CCDC60: variants seen among roughly 807,000 people sequenced by gnomAD.
CCDC60 encodes the protein coiled-coil domain containing 60.
In CCDC60, 54 loss-of-function variants were observed where a neutral mutation model predicts 63.5. The ratio of observed to expected loss-of-function variants is 0.85; its 90% CI spans 0.68 to 1.07. CCDC60 has a LOEUF of 1.07. CCDC60 is among the 50% of genes least tolerant of loss of function. The pLI is 0.00. For missense variants in CCDC60, 651 were observed against 684.3 expected (o/e 0.95, Z 0.54); for synonymous variants, 206 against 238.8 (o/e 0.86, Z 1.27).
intron 1 of CCDC60, among the ~76,000 whole-genome samples, chr12:119,337,495 TAA>T (rs1370393170): frequency 2.0e-5 from 3 of 152,222 alleles, no homozygotes; most frequent in African/African-American, 7.2e-5. Context: ...CTGTGAGCAT[TAA>T]ATGAGTTAAC....
At position 119,488,821 on chromosome 12, in the gene CCDC60, A is replaced by G. The variant is rs371806255; in HGVS notation, c.512A>G (p.His171Arg). 1.2e-6 allele frequency: 2 copies of G among 1,613,960 alleles called. No individual in the cohort carries two copies. The highest frequency in any genetic ancestry group is 1.3e-5 in the African/African-American group (1 of 74,874). Residue 171 changes from histidine to arginine, a missense_variant, in exon 5 of 14, where the codon CAC becomes CGC. Coordinates refer to ENST00000327554, the MANE Select transcript of CCDC60 (RefSeq NM_178499.5). Reference sequence around the variant, plus strand: ...CTTCTGGAGGCCCTGACTATTGACCACACCCACCACACCATGAAGCCTGTG... The same window carrying G: ...CTTCTGGAGGCCCTGACTATTGACCGCACCCACCACACCATGAAGCCTGTG... ...HWLLEALTID[H>R]THHTMKPVIT... is the part of the protein sequence containing the mutation.
At chr12:119,436,484 A>G (rs921978346) in intron 2 of CCDC60, among the ~76,000 whole-genome samples, 6 of 151,964 alleles carry the variant, frequency 3.9e-5, no homozygotes, top group African/African-American at 1.2e-4. Flanking sequence ...CAACTAGGAA[A>G]TTAGAGAACA....
At chr12:119,501,228 G>T (rs1951843381) in intron 6 of CCDC60, among the ~76,000 whole-genome samples, 1 of 152,204 alleles carries the variant, frequency 6.6e-6, no homozygotes, top group South Asian at 2.1e-4. Flanking sequence ...GCATTACTGT[G>T]GTTATGTAAA....
intron 2 of CCDC60, among the ~76,000 whole-genome samples, chr12:119,442,805 G>A (rs1342524431): frequency 1.3e-5 from 2 of 152,166 alleles, no homozygotes; most frequent in Admixed American, 6.5e-5. Flanking sequence ...CTTAACTGAA[G>A]TTGTCTAAAT....
chr12:119,534,733 T>C (rs2136547022), intron 13 of CCDC60, among the ~76,000 whole-genome samples: 1 of 152,352 alleles, frequency 6.6e-6, no homozygotes, highest in South Asian at 2.1e-4. Context: ...GATTTGCATA[T>C]GTTGAACCAG....
Position 119,458,950 on chromosome 12 carries a change from G to A in CCDC60, c.171-13044G>A, listed in dbSNP as rs878983443. On this transcript the variant is annotated intron_variant, in intron 2 of 13. Transcript: ENST00000327554. ...TTTAGTAGAGACAGAGTTTCACCAT[G>A]TTGGTCAGTCTGGTCTCGAATTCCT... 4.6e-5 allele frequency among the ~76,000 whole-genome samples: 7 copies of A among 152,088 alleles called. 1 individual carries two copies. Among genetic ancestry groups the A allele is most frequent in the Admixed American group, 6.5e-5 (1 of 15,272 alleles).
intron 5 of CCDC60, among the ~76,000 whole-genome samples, chr12:119,497,326 T>C (rs1469123794): frequency 6.6e-6 from 1 of 152,186 alleles, no homozygotes; most frequent in African/African-American, 2.4e-5. Context: ...GTGGTTTTAT[T>C]TTTTTCTTCC....
chr12:119,484,567 G>A (rs1261450148), intron 4 of CCDC60, among the ~76,000 whole-genome samples: 1 of 151,934 alleles, frequency 6.6e-6, no homozygotes, highest in East Asian at 1.9e-4. Flanking sequence ...TACAAAAACT[G>A]TCTGGGCAGG....
intron 2 of CCDC60, among the ~76,000 whole-genome samples, chr12:119,443,425 C>T (rs1950482788): frequency 6.6e-6 from 1 of 152,216 alleles, no homozygotes; most frequent in Non-Finnish European, 1.5e-5. Context: ...CTCACAAGCT[C>T]ACCAAGCTAA....
At chr12:119,496,854 C>T (rs755809337) in intron 5 of CCDC60, among the ~76,000 whole-genome samples, 1 of 152,194 alleles carries the variant, frequency 6.6e-6, no homozygotes, top group South Asian at 2.1e-4. Flanking sequence ...CCTTGATACT[C>T]GGAGACTTGC....
chr12:119,370,597 C>T (rs1313719586), intron 1 of CCDC60, among the ~76,000 whole-genome samples: 1 of 152,180 alleles, frequency 6.6e-6, no homozygotes, highest in African/African-American at 2.4e-5. Context: ...TCCACTCCTC[C>T]CTGCTCATCT....
chr12:119,429,103 G>A (rs1357840649), intron 2 of CCDC60, among the ~76,000 whole-genome samples: 8 of 152,130 alleles, frequency 5.3e-5, no homozygotes, highest in African/African-American at 9.7e-5. Flanking sequence ...AGTCAGAGTC[G>A]TTCTCAAATT....
chr12:119,535,627 T>C (rs1392317293), intron 13 of CCDC60, among the ~76,000 whole-genome samples: 2 of 152,198 alleles, frequency 1.3e-5, no homozygotes, highest in Admixed American at 6.5e-5. Flanking sequence ...TTTGTTTTCA[T>C]TGGTTTCAAA....
intron 1 of CCDC60, among the ~76,000 whole-genome samples, chr12:119,337,044 T>C (rs1352656250): frequency 6.6e-6 from 1 of 152,182 alleles, no homozygotes; most frequent in Admixed American, 6.5e-5. Flanking sequence ...GTGGTCAGTC[T>C]GTGAAGGAGA....
chr12:119,482,073 AC>A (rs1338647244), intron 4 of CCDC60, among the ~76,000 whole-genome samples: 2 of 142,340 alleles, frequency 1.4e-5, no homozygotes, highest in Non-Finnish European at 3.0e-5. Flanking sequence ...ATGATGGAAT[AC>A]TACTCATCCA....
At chr12:119,532,491 T>C (rs938907651) in intron 13 of CCDC60, among the ~76,000 whole-genome samples, 5 of 151,640 alleles carry the variant, frequency 3.3e-5, no homozygotes, top group Non-Finnish European at 5.9e-5. Flanking sequence ...TACATAGGTA[T>C]ACATGTGTCA....
intron 13 of CCDC60, among the ~76,000 whole-genome samples, chr12:119,534,726 T>C (rs1437849208): frequency 1.3e-5 from 2 of 152,226 alleles, no homozygotes; most frequent in African/African-American, 4.8e-5. Context: ...GTTTATTGAT[T>C]TGCATATGTT....
At chr12:119,397,349 A>ATTTTACAGAGAGCTGATTGGTCCG (rs1216424048) in intron 1 of CCDC60, among the ~76,000 whole-genome samples, 90 of 152,180 alleles carry the variant, frequency 5.9e-4, no homozygotes, top group African/African-American at 2.1e-3. Flanking sequence ...TGATTGGCCC[A>ATTTTACAGAGAGCTGATTGGTCCG]TTTTACAGAG....
rs914820534 is a variant in CCDC60 at position 119,488,743 on chromosome 12, C to A, written c.450-16C>A. On this transcript the variant is annotated splice_polypyrimidine_tract_variant and intron_variant, in intron 4 of 13. Coordinates refer to ENST00000327554, the MANE Select transcript of CCDC60 (RefSeq NM_178499.5). ...CTAACAGGATCCCACTGTGTTCCCT[C>A]TCTCTGTCTTTGCAGCGAGCCCCTC... The A allele has an allele frequency of 3.1e-6, 5 of 1,611,008 alleles. No homozygotes were observed. The highest frequency in any genetic ancestry group is 3.3e-5 in the Admixed American group (2 of 59,996).
Sources: allele counts gnomAD v4.1 joint callset (sites outside exome capture counted in the v4.1 genomes callset), GRCh38; gene constraint gnomAD v4.1.1; transcripts MANE v1.5; gene names NCBI Gene and HGNC (gene_info 2026-07-23, HGNC 2026-07-21).